Variants in PCDHGA9 observed in about 807,000 individuals in gnomAD.
The protein encoded by PCDHGA9 is protocadherin gamma-A9.
PCDHGA9 carries 37 observed loss-of-function variants against 62.5 expected under a neutral mutation model. That is an observed-to-expected ratio of 0.59 (90% confidence interval 0.46 to 0.78). The LOEUF (loss-of-function observed/expected upper bound fraction) is 0.78, where lower values mean the gene tolerates loss of function less well. Ranked by LOEUF, PCDHGA9 falls within the 30% of genes least tolerant of loss-of-function variation. The pLI, the probability that PCDHGA9 is intolerant of heterozygous loss-of-function variation, is 0.00. For missense variants in PCDHGA9, 1,138 were observed against 1,166.2 expected (o/e 0.98, Z 0.35); for synonymous variants, 459 against 484.6 (o/e 0.95, Z 0.69).
chr5:141,510,795 G>T (rs994874330), intron 3 of PCDHGA9, 152 bp from the exon 4 acceptor site: 6 of 1,465,214 alleles, frequency 4.1e-6, no homozygotes. Flanking sequence ...CTTGTGAAGA[G>T]AGACTACCTT....
chr5:141,416,747 T>A (rs920641906), intron 1 of PCDHGA9: 2 of 152,240 alleles, frequency 1.3e-5, no homozygotes, highest in African/African-American at 4.8e-5. Flanking sequence ...AATAGTGACG[T>A]ATTAGGTAGA....
chr5:141,429,476 A>T (rs1279691939), intron 1 of PCDHGA9, among the ~76,000 whole-genome samples: 1 of 152,112 alleles, frequency 6.6e-6, no homozygotes, highest in Non-Finnish European at 1.5e-5. Flanking sequence ...CAATCTCCAG[A>T]GTAGCTGAGA....
rs755936344 is a variant in PCDHGA9, at chr5:141,490,704, C to T, written c.2425-4103C>T. ...ATCCAGACACTGGGGATAATGCCCG[C>T]CTCACCTACTCCATTGTAGGAAATC... On this transcript the variant is annotated intron_variant, in intron 1 of 3. Transcript: ENST00000573521. The surrounding 1 kb of genome is among the most constrained non-coding windows in gnomAD (Gnocchi z 5.4). 6.2e-7 allele frequency: 1 copy of T among 1,614,166 alleles called. No homozygotes were observed.
At chr5:141,449,212 GT>G (rs1405401595) in intron 1 of PCDHGA9, among the ~76,000 whole-genome samples, 1 of 152,134 alleles carries the variant, frequency 6.6e-6, no homozygotes, top group African/African-American at 2.4e-5. Context: ...CTAACTTTCT[GT>G]TTTGAAATGA....
Position 141,485,585 on chromosome 5 carries a change from C to G in PCDHGA9, c.2425-9222C>G, listed in dbSNP as rs373987810. The G allele has an allele frequency of 7.4e-6, 12 of 1,612,204 alleles. No individual in the cohort carries two copies. The highest frequency in any genetic ancestry group is 1.0e-5 in the Non-Finnish European group (12 of 1,178,590). On this transcript the variant is annotated intron_variant, in intron 1 of 3. Transcript: ENST00000573521. The surrounding 1 kb of genome is among the most constrained non-coding windows in gnomAD (Gnocchi z 5.7). ...CGCCCCCCGTTTTCCGCGGCAGCAG[C>G]TGGACTTGGAAATTGGGGAGGCAGC...
rs761765539 is a variant in PCDHGA9, at chr5:141,404,548, G to C, written c.1596G>C (p.Val532=). The C allele has an allele frequency of 1.2e-5, 20 of 1,613,740 alleles. No homozygotes were observed. Residue 532 remains valine (V), a synonymous_variant, in exon 1 of 4, where the codon GTG becomes GTC. Transcript: ENST00000573521. Reference sequence around the variant, plus strand: ...AGTTTAGAGATTTGCAAATGCAGGTGACGGCAAGTGACAGTGGAAGCCCAC... The same window carrying C: ...AGTTTAGAGATTTGCAAATGCAGGTCACGGCAAGTGACAGTGGAAGCCCAC... ...YEQFRDLQMQ[V]TASDSGSPPL...
chr5:141,433,283 T>A, intron 1 of PCDHGA9: 1 of 1,183,074 alleles, frequency 8.5e-7, no homozygotes, highest in Non-Finnish European at 1.2e-6. Flanking sequence ...AGCCTCAAAC[T>A]CCTAGGCTCA....
At chr5:141,452,527 G>A (rs1164238830) in intron 1 of PCDHGA9, among the ~76,000 whole-genome samples, 1 of 152,156 alleles carries the variant, frequency 6.6e-6, no homozygotes, top group Non-Finnish European at 1.5e-5. Flanking sequence ...TCAAAATCGT[G>A]AGTTCATATT....
chr5:141,439,171 C>T (rs948650584), intron 1 of PCDHGA9, among the ~76,000 whole-genome samples: 3 of 146,478 alleles, frequency 2.0e-5, no homozygotes, highest in Non-Finnish European at 3.0e-5. Context: ...CCAGCCTGGG[C>T]GACATAGTGA....
intron 1 of PCDHGA9, among the ~76,000 whole-genome samples, chr5:141,469,031 C>T (rs963001535): frequency 1.3e-5 from 2 of 152,070 alleles, no homozygotes; most frequent in Admixed American, 6.6e-5. Flanking sequence ...AATCCCAGCA[C>T]TTTGGGAGGC....
Position 141,443,030 on chromosome 5 carries a change from C to A in PCDHGA9, c.2424+37654C>A, listed in dbSNP as rs147317486. ...ATATGACTAATGGAAGTTGCCAGAC[C>A]TAAACTTTGAAAATTATTGTTCCAC... On this transcript the variant is annotated intron_variant, in intron 1 of 3. Transcript: ENST00000573521. Among the ~76,000 whole-genome samples, 31 of 152,290 alleles carry A rather than the reference C, an allele frequency of 2.0e-4. No individual in the cohort carries two copies. The East Asian group carries it at 3.5e-3, about 17-fold the overall frequency.
At chr5:141,417,900 G>T (rs563876979) in intron 1 of PCDHGA9, 1 of 1,583,452 alleles carries the variant, frequency 6.3e-7, no homozygotes, top group African/African-American at 1.3e-5. Flanking sequence ...GCCGGCCCGC[G>T]GCAGGTACTA....
At chr5:141,481,811 G>T (rs1050821120) in intron 1 of PCDHGA9, among the ~76,000 whole-genome samples, 3 of 151,892 alleles carry the variant, frequency 2.0e-5, no homozygotes, top group Admixed American at 1.3e-4. Flanking sequence ...AATTCACCAG[G>T]CGTGGTGGCT....
chr5:141,490,942 C>G lies in PCDHGA9; in HGVS notation c.2425-3865C>G. 1 of 1,613,644 alleles carries G rather than the reference C, an allele frequency of 6.2e-7. No individual in the cohort carries two copies. Among genetic ancestry groups the G allele is most frequent in the Non-Finnish European group, 8.5e-7 (1 of 1,179,760 alleles). On this transcript the variant is annotated intron_variant, in intron 1 of 3. Transcript: ENST00000573521. This position sits in a 1 kb window ranked among gnomAD's most constrained non-coding sequence, Gnocchi z 5.4. ...TAATGCCCCAGCTGTGCTGCACCCA[C>G]GGCCAGACTGGGAACACTCAGCCCC...
At chr5:141,451,925 G>A (rs1391178313) in intron 1 of PCDHGA9, among the ~76,000 whole-genome samples, 2 of 152,012 alleles carry the variant, frequency 1.3e-5, no homozygotes, top group East Asian at 3.8e-4. Context: ...AGGAAGGGAG[G>A]TAGGGAGGCA....
chr5:141,449,774 A>G (rs541830970), intron 1 of PCDHGA9, among the ~76,000 whole-genome samples: 2 of 151,714 alleles, frequency 1.3e-5, no homozygotes, highest in African/African-American at 4.8e-5. Flanking sequence ...AAGTTGTAGA[A>G]ATTATGTTTC....
chr5:141,457,937 G>A (rs916509260), intron 1 of PCDHGA9, among the ~76,000 whole-genome samples: 1 of 152,166 alleles, frequency 6.6e-6, no homozygotes, highest in African/African-American at 2.4e-5. Flanking sequence ...GGCTTTTATT[G>A]GCTCTGCATG....
chr5:141,475,486 T>G (rs576743657), intron 1 of PCDHGA9, among the ~76,000 whole-genome samples: 1 of 152,252 alleles, frequency 6.6e-6, no homozygotes, highest in Non-Finnish European at 1.5e-5. Flanking sequence ...TGGTAAGAGA[T>G]AAAACTGAAA....
intron 1 of PCDHGA9, chr5:141,409,037 T>G (rs770619339): frequency 1.2e-6 from 2 of 1,613,992 alleles, no homozygotes; most frequent in South Asian, 2.2e-5. Context: ...TGAGATAAAC[T>G]ACTACTTCCG....
Sources: allele counts gnomAD v4.1 joint callset (sites outside exome capture counted in the v4.1 genomes callset), GRCh38; gene constraint gnomAD v4.1.1; non-coding constraint Gnocchi (gnomAD v3.1); transcripts MANE v1.5; gene names NCBI Gene and HGNC (gene_info 2026-07-23, HGNC 2026-07-21).